Variants in PRKCA observed in about 807,000 individuals in gnomAD.
PRKCA encodes the protein protein kinase C alpha, also known as protein kinase C alpha type.
A neutral mutation model predicts 87.0 loss-of-function variants in PRKCA; 27 were observed. The ratio of observed to expected loss-of-function variants is 0.31; its 90% confidence interval spans 0.23 to 0.43. The LOEUF is 0.43. Ranked by LOEUF, PRKCA falls within the 20% of genes least tolerant of loss-of-function variation. The pLI is 1.00. For missense variants in PRKCA, 518 were observed against 852.3 expected, an observed-to-expected ratio of 0.61 and a Z score of 4.88; for synonymous variants, 329 against 311.1, an observed-to-expected ratio of 1.06 and a Z score of -0.61.
At position 66,576,873 on chromosome 17, in the gene PRKCA, CT is replaced by C. The variant is rs66875614; in HGVS notation, c.289-64463del. Among the ~76,000 whole-genome samples the C allele has an allele frequency of 1.5e-3, 214 of 138,326 alleles. 1 individual carries two copies. The highest frequency in any genetic ancestry group is 7.6e-3 in the Middle Eastern group (2 of 264). The allele number at this position is 138,326 out of a possible 152,430, so 90.7% of individuals were successfully genotyped here. ...TTTCTCCGTGGAAAATGGTGATGTA[CT>C]TTTTTTTTTTTTTTTTTTGAGACAG... On this transcript the variant is annotated intron_variant, in intron 3 of 16. Coordinates refer to ENST00000413366, the MANE Select transcript of PRKCA (RefSeq NM_002737.3).
intron 2 of PRKCA, among the ~76,000 whole-genome samples, chr17:66,343,871 A>T (rs890224436): frequency 6.6e-6 from 1 of 151,964 alleles, no homozygotes; most frequent in South Asian, 2.1e-4. Context: ...GGACCAGGTG[A>T]CCTTGGGCTT....
At chr17:66,458,303 G>T (rs1022563737) in intron 2 of PRKCA, among the ~76,000 whole-genome samples, 6 of 152,094 alleles carry the variant, frequency 3.9e-5, no homozygotes, top group Non-Finnish European at 8.8e-5. Flanking sequence ...TTGAAATAAA[G>T]TTATATCTAA....
chr17:66,583,169 C>T (rs759348606), intron 3 of PRKCA, among the ~76,000 whole-genome samples: 22 of 152,180 alleles, frequency 1.4e-4, no homozygotes, highest in Admixed American at 3.9e-4. Flanking sequence ...TTACTTGGTT[C>T]TGATGCTTGC....
intron 8 of PRKCA, among the ~76,000 whole-genome samples, chr17:66,714,601 C>T (rs761304960): frequency 2.0e-5 from 3 of 152,312 alleles, no homozygotes; most frequent in Middle Eastern, 6.8e-3. Context: ...ATGGCTGTGG[C>T]GAGACTACTC....
chr17:66,762,057 C>T (rs1268310627), intron 13 of PRKCA, among the ~76,000 whole-genome samples: 1 of 152,170 alleles, frequency 6.6e-6, no homozygotes, highest in East Asian at 1.9e-4. Flanking sequence ...GTTTGATTCA[C>T]TTCTGTAACT....
intron 2 of PRKCA, among the ~76,000 whole-genome samples, chr17:66,377,511 G>A (rs928382155): frequency 7.5e-5 from 11 of 146,926 alleles, no homozygotes; most frequent in East Asian, 2.0e-4. Flanking sequence ...ATGTATATAC[G>A]TATATATGTA....
At chr17:66,348,500 C>G (rs1239882709) in intron 2 of PRKCA, among the ~76,000 whole-genome samples, 1 of 152,022 alleles carries the variant, frequency 6.6e-6, no homozygotes, top group South Asian at 2.1e-4. Context: ...TCATGAGGAC[C>G]CTTAAGGGTT....
chr17:66,579,750 A>T (rs1969361151), intron 3 of PRKCA, among the ~76,000 whole-genome samples: 1 of 152,050 alleles, frequency 6.6e-6, no homozygotes, highest in Non-Finnish European at 1.5e-5. Flanking sequence ...AGGGCCATGG[A>T]GATGGTTTAG....
At chr17:66,678,360 A>G (rs534498066) in intron 5 of PRKCA, among the ~76,000 whole-genome samples, 1 of 152,324 alleles carries the variant, frequency 6.6e-6, no homozygotes, top group South Asian at 2.1e-4. Context: ...GAACTGCAAG[A>G]GAATACATTT....
intron 5 of PRKCA, among the ~76,000 whole-genome samples, chr17:66,655,872 G>A (rs1052821304): frequency 6.6e-6 from 1 of 152,078 alleles, no homozygotes; most frequent in Non-Finnish European, 1.5e-5. Flanking sequence ...CATGGCTCTG[G>A]GATCCTTTAG....
At chr17:66,607,407 A>G (rs755393033) in intron 3 of PRKCA, among the ~76,000 whole-genome samples, 2 of 152,232 alleles carry the variant, frequency 1.3e-5, no homozygotes, top group Non-Finnish European at 2.9e-5. Flanking sequence ...TTTGAGGGGA[A>G]GAGACATGGA....
chr17:66,593,302 T>C (rs1969872064), intron 3 of PRKCA, among the ~76,000 whole-genome samples: 1 of 152,188 alleles, frequency 6.6e-6, no homozygotes, highest in African/African-American at 2.4e-5. Flanking sequence ...GCTTCCATCC[T>C]GATGCTCTGT....
At chr17:66,449,517 C>A (rs901279728) in intron 2 of PRKCA, among the ~76,000 whole-genome samples, 2 of 152,110 alleles carry the variant, frequency 1.3e-5, no homozygotes, top group Admixed American at 1.3e-4. Flanking sequence ...CATCCTCAGC[C>A]TTTTTTCCTC....
intron 2 of PRKCA, among the ~76,000 whole-genome samples, chr17:66,494,868 C>A (rs1420117016): frequency 6.6e-6 from 1 of 152,038 alleles, no homozygotes; most frequent in African/African-American, 2.4e-5. Context: ...TTTGGGAAGC[C>A]AAGGTGGACA....
chr17:66,390,049 C>T (rs1490221888), intron 2 of PRKCA, among the ~76,000 whole-genome samples: 1 of 152,192 alleles, frequency 6.6e-6, no homozygotes, highest in Non-Finnish European at 1.5e-5. Flanking sequence ...CATGGTGAAA[C>T]CCCGTCTCTA....
At chr17:66,347,018 A>G (rs1166519053) in intron 2 of PRKCA, among the ~76,000 whole-genome samples, 1 of 148,802 alleles carries the variant, frequency 6.7e-6, no homozygotes, top group East Asian at 1.9e-4. Flanking sequence ...GTGACAGAGC[A>G]AGACTCCATC....
At chr17:66,453,476 C>G (rs1364543876) in intron 2 of PRKCA, among the ~76,000 whole-genome samples, 2 of 152,046 alleles carry the variant, frequency 1.3e-5, no homozygotes, top group Non-Finnish European at 2.9e-5. Flanking sequence ...CGCCACCATG[C>G]CCAGCTAATT....
intron 5 of PRKCA, among the ~76,000 whole-genome samples, chr17:66,668,365 A>C (rs1227347161): frequency 6.6e-6 from 1 of 152,204 alleles, no homozygotes; most frequent in Admixed American, 6.5e-5. Flanking sequence ...GGTGAGAAGA[A>C]CTTCAGGGTC....
chr17:66,762,291 C>G (rs1974703070), intron 13 of PRKCA, among the ~76,000 whole-genome samples: 1 of 152,192 alleles, frequency 6.6e-6, no homozygotes, highest in Non-Finnish European at 1.5e-5. Context: ...GTTCTTATTT[C>G]TAATGTTAGG....
Sources: allele counts gnomAD v4.1 joint callset (sites outside exome capture counted in the v4.1 genomes callset), GRCh38; gene constraint gnomAD v4.1.1; transcripts MANE v1.5; gene names NCBI Gene and HGNC (gene_info 2026-07-23, HGNC 2026-07-21).